The following ROBO2 variants were observed in gnomAD, a reference collection of about 807,000 sequenced individuals.
ROBO2 encodes the protein roundabout guidance receptor 2.
ROBO2 carries 53 observed loss-of-function variants against 160.8 expected under a neutral mutation model. The observed-to-expected ratio is 0.33, with a 90% confidence interval of 0.26 to 0.41. ROBO2 has a LOEUF of 0.41. Among genes scored for constraint, ROBO2 ranks in the 10% least tolerant of loss-of-function variants. The pLI is 1.00. For missense variants in ROBO2, 1,577 were observed against 1,722.4 expected, an observed-to-expected ratio of 0.92 and a Z score of 1.49; for synonymous variants, 664 against 611.7, an observed-to-expected ratio of 1.09 and a Z score of -1.26.
intron 2 of ROBO2, among the ~76,000 whole-genome samples, chr3:76,699,351 C>T (rs1304549410): frequency 1.3e-5 from 2 of 152,120 alleles, no homozygotes; most frequent in Admixed American, 6.6e-5. Flanking sequence ...TTTCTAGCGA[C>T]TTAGTTTAGG....
Position 76,743,059 on chromosome 3 carries a change from C to T in ROBO2, c.110-354955C>T, listed in dbSNP as rs149990382. Reference sequence around the variant, plus strand: ...CAGGCTTTCTGACATCACAATATGGCGGCCTACAGCAATTGAGGCACCATA... The same window carrying T: ...CAGGCTTTCTGACATCACAATATGGTGGCCTACAGCAATTGAGGCACCATA... On this transcript the variant is annotated intron_variant, in intron 2 of 26. Coordinates refer to the ROBO2 transcript ENST00000487694. Among the ~76,000 whole-genome samples the T allele has an allele frequency of 6.6e-3, 997 of 152,152 alleles. 6 individuals carry two copies. The highest frequency in any genetic ancestry group is 0.024 in the Middle Eastern group (7 of 294).
chr3:76,058,606 T>TTG (rs1467686600), intron 2 of ROBO2, among the ~76,000 whole-genome samples: 3 of 147,992 alleles, frequency 2.0e-5, no homozygotes, highest in African/African-American at 7.5e-5. Context: ...TTTTTTTTTT[T>TTG]TTTTTTTTGC....
At position 76,455,816 on chromosome 3, in the gene ROBO2, T is replaced by C. The variant is rs534772947; in HGVS notation, c.109+518214T>C. ...GTGTCCACGTTGACTCATCAATTCA[T>C]TAAGCAAATGAATATTAGTTTTTAT... On this transcript the variant is annotated intron_variant, in intron 2 of 26. Coordinates refer to the ROBO2 transcript ENST00000487694. Among the ~76,000 whole-genome samples the C allele has an allele frequency of 2.0e-4, 31 of 152,284 alleles. No homozygotes were observed. The East Asian group carries it at 5.4e-3, about 27-fold the overall frequency.
At chr3:77,361,221 A>T (rs1279105420) in intron 2 of ROBO2, among the ~76,000 whole-genome samples, 1 of 152,188 alleles carries the variant, frequency 6.6e-6, no homozygotes, top group Non-Finnish European at 1.5e-5. Flanking sequence ...TGTTCCAGTT[A>T]AATTTGAATT....
chr3:77,134,975 A>G (rs1284509971), intron 2 of ROBO2, among the ~76,000 whole-genome samples: 4 of 152,112 alleles, frequency 2.6e-5, no homozygotes, highest in Non-Finnish European at 5.9e-5. Context: ...GCCAGTGTCC[A>G]TCTGTTTGCA....
At chr3:75,952,329 T>G (rs1948572056) in intron 2 of ROBO2, among the ~76,000 whole-genome samples, 1 of 152,010 alleles carries the variant, frequency 6.6e-6, no homozygotes, top group Non-Finnish European at 1.5e-5. Flanking sequence ...TCTAGATTTC[T>G]GATTTTATTC....
intron 2 of ROBO2, among the ~76,000 whole-genome samples, chr3:77,188,819 G>C (rs2081525506): frequency 6.6e-6 from 1 of 151,696 alleles, no homozygotes; most frequent in Non-Finnish European, 1.5e-5. Flanking sequence ...GTCTTACATA[G>C]AGCCAAATAG....
chr3:77,344,894 AT>A (rs1485887912), intron 2 of ROBO2, among the ~76,000 whole-genome samples: 1 of 152,006 alleles, frequency 6.6e-6, no homozygotes, highest in Non-Finnish European at 1.5e-5. Context: ...TATATTCCTT[AT>A]TTATTACACT....
chr3:77,418,923 G>A (rs951461009), intron 2 of ROBO2, among the ~76,000 whole-genome samples: 23 of 152,136 alleles, frequency 1.5e-4, no homozygotes, highest in African/African-American at 5.3e-4. Flanking sequence ...TCAGGAGAAA[G>A]GAATAATGGT....
At chr3:76,147,047 C>T (rs1291561997) in intron 2 of ROBO2, among the ~76,000 whole-genome samples, 1 of 151,096 alleles carries the variant, frequency 6.6e-6, no homozygotes, top group South Asian at 2.1e-4. Context: ...GTAAAATAAT[C>T]TGTACAGCAA....
chr3:76,324,515 C>A (rs2072847220), intron 2 of ROBO2, among the ~76,000 whole-genome samples: 1 of 152,236 alleles, frequency 6.6e-6, no homozygotes, highest in Non-Finnish European at 1.5e-5. Context: ...AACAAGTTAG[C>A]AATTTCTTCA....
chr3:76,839,848 G>T (rs764932338), intron 2 of ROBO2, among the ~76,000 whole-genome samples: 1 of 152,174 alleles, frequency 6.6e-6, no homozygotes, highest in Non-Finnish European at 1.5e-5. Flanking sequence ...CTCATTACCT[G>T]TTATTGGTGT....
chr3:76,894,443 T>A (rs907476891), intron 2 of ROBO2, among the ~76,000 whole-genome samples: 1 of 152,166 alleles, frequency 6.6e-6, no homozygotes, highest in Non-Finnish European at 1.5e-5. Flanking sequence ...AACGACATTG[T>A]GTTGATATAT....
chr3:76,059,219 C>T (rs1003545713), intron 2 of ROBO2, among the ~76,000 whole-genome samples: 13 of 150,952 alleles, frequency 8.6e-5, no homozygotes, highest in East Asian at 5.9e-4. Context: ...CCTGAGGAAT[C>T]GCCACACTGA....
intron 2 of ROBO2, among the ~76,000 whole-genome samples, chr3:76,810,090 G>C (rs1261317526): frequency 6.6e-6 from 1 of 152,050 alleles, no homozygotes; most frequent in African/African-American, 2.4e-5. Context: ...TTGAGCCTAG[G>C]AGATTAGAAG....
intron 2 of ROBO2, among the ~76,000 whole-genome samples, chr3:76,326,776 C>A (rs1459729596): frequency 2.7e-5 from 3 of 110,164 alleles, no homozygotes; most frequent in African/African-American, 1.0e-4. Context: ...CCCCTCCCCC[C>A]ACCCCACAGC....
intron 2 of ROBO2, among the ~76,000 whole-genome samples, chr3:76,244,547 A>G (rs1209909299): frequency 6.6e-6 from 1 of 152,204 alleles, no homozygotes; most frequent in East Asian, 1.9e-4. Context: ...TCAGGCTTAT[A>G]GATGATAAAA....
intron 2 of ROBO2, among the ~76,000 whole-genome samples, chr3:76,455,028 A>G (rs971778585): frequency 2.6e-5 from 4 of 152,130 alleles, no homozygotes; most frequent in African/African-American, 7.2e-5. Context: ...CCAACTAGGT[A>G]AAATAAAGTT....
At chr3:76,165,402 G>A (rs1272617574) in intron 2 of ROBO2, among the ~76,000 whole-genome samples, 2 of 151,790 alleles carry the variant, frequency 1.3e-5, no homozygotes, top group African/African-American at 4.8e-5. Context: ...ATTGAAGAGA[G>A]GGCCTTGCTC....
Sources: allele counts gnomAD v4.1 joint callset (sites outside exome capture counted in the v4.1 genomes callset), GRCh38; gene constraint gnomAD v4.1.1; transcripts MANE v1.5; gene names NCBI Gene and HGNC (gene_info 2026-07-23, HGNC 2026-07-21).